The following MBOAT2 variants were observed in gnomAD, a reference collection of about 807,000 sequenced individuals.
MBOAT2 encodes membrane bound glycerophospholipid O-acyltransferase 2.
In MBOAT2, 28 loss-of-function variants were observed where a neutral mutation model predicts 63.4. The observed-to-expected ratio is 0.44, with a 90% CI of 0.33 to 0.61. The LOEUF is 0.61. Among genes scored for constraint, MBOAT2 ranks in the 20% least tolerant of loss-of-function variants. The probability of loss-of-function intolerance (pLI) is 0.03; values close to 1 mark genes in which losing one functional copy is unlikely to be tolerated. For missense variants in MBOAT2, 470 were observed against 605.8 expected, an observed-to-expected ratio of 0.78 and a Z score of 2.35; for synonymous variants, 211 against 215.6, an observed-to-expected ratio of 0.98 and a Z score of 0.19.
chr2:8,982,859 C>T (rs941724518), intron 1 of MBOAT2, among the ~76,000 whole-genome samples: 2 of 152,186 alleles, frequency 1.3e-5, no homozygotes, highest in African/African-American at 4.8e-5. Context: ...CACTCTGATT[C>T]CCAATTTCCT....
At chr2:8,915,531 TTTTTG>T (rs553041530) in intron 3 of MBOAT2, among the ~76,000 whole-genome samples, 1 of 152,142 alleles carries the variant, frequency 6.6e-6, no homozygotes, top group East Asian at 1.9e-4. Context: ...GGTGGGGGTT[TTTTTG>T]TTTTGTTTTG....
rs954355269 is a variant in MBOAT2 at position 8,868,650 on chromosome 2, G to C, written c.884-101C>G. The C allele has an allele frequency of 1.3e-5, 12 of 903,204 alleles. No homozygotes were observed. The African/African-American group carries it at 2.0e-4, about 15-fold the overall frequency. 55.9% of individuals were successfully genotyped at this position (903,204 alleles called of 1,614,324 possible). On this transcript the variant is annotated intron_variant, in intron 8 of 12. Coordinates refer to ENST00000305997, the MANE Select transcript of MBOAT2 (RefSeq NM_138799.4). Reference sequence around the variant, plus strand: ...TTATTATATCTTTTATTCTTAAACAGTAAAAGTAGATTTATTCTGATTTTT... The same window carrying C: ...TTATTATATCTTTTATTCTTAAACACTAAAAGTAGATTTATTCTGATTTTT...
chr2:8,969,349 C>G (rs1670267243), intron 1 of MBOAT2, among the ~76,000 whole-genome samples: 1 of 152,076 alleles, frequency 6.6e-6, no homozygotes, highest in Non-Finnish European at 1.5e-5. Context: ...CCAGGCCTGC[C>G]CTAAAAGAGC....
At chr2:8,887,892 A>G (rs1663676369) in intron 5 of MBOAT2, 126 bp downstream of exon 5, 2 of 854,262 alleles carry the variant, frequency 2.3e-6, no homozygotes, top group Non-Finnish European at 2.0e-6. Flanking sequence ...ACAGTTAAGT[A>G]TATTTCCCTA....
At position 9,003,596 on chromosome 2, in the gene MBOAT2, TG is replaced by T; in HGVS notation, c.18del (p.Thr7ArgfsTer23). The T allele has an allele frequency of 8.3e-7, 1 of 1,211,660 alleles. No homozygotes were observed. The allele number at this position is 1,211,660 out of a possible 1,614,324, so 75.1% of individuals were successfully genotyped here. A position where few individuals can be genotyped will look rare whatever the true frequency, so the allele number is the denominator to read the frequency against. On this transcript the variant is annotated frameshift_variant, in exon 1 of 13. Coordinates refer to ENST00000305997, the MANE Select transcript of MBOAT2 (RefSeq NM_138799.4). LOFTEE classifies it high-confidence loss of function. The surrounding 1 kb of genome is among the most constrained non-coding windows in gnomAD (Gnocchi z 5.4). The stretch of plus-strand genomic sequence containing the variant: ...AGGGGCTGCAGCAGGGTGGAGCCCG[TG>T]GTGCTGGTGGTGGCCATGGCCGGGC... MATTS[T>X]TGSTLLQPLS...
At chr2:8,978,078 C>T (rs1670946957) in intron 1 of MBOAT2, among the ~76,000 whole-genome samples, 1 of 152,100 alleles carries the variant, frequency 6.6e-6, no homozygotes, top group African/African-American at 2.4e-5. Flanking sequence ...TACCCAGACC[C>T]TAAAACATTC....
At chr2:8,926,448 C>T (rs546966745) in intron 3 of MBOAT2, among the ~76,000 whole-genome samples, 1 of 152,314 alleles carries the variant, frequency 6.6e-6, no homozygotes, top group Admixed American at 6.5e-5. Flanking sequence ...AAGGCCTCGC[C>T]ACAGAGGTCA....
At chr2:8,902,542 C>T (rs931913359) in intron 4 of MBOAT2, among the ~76,000 whole-genome samples, 1 of 151,958 alleles carries the variant, frequency 6.6e-6, no homozygotes, top group Non-Finnish European at 1.5e-5. Flanking sequence ...TGCAGACCTT[C>T]GTGGTGACTG....
chr2:8,869,356 T>G (rs555413458), intron 8 of MBOAT2, among the ~76,000 whole-genome samples: 1 of 152,244 alleles, frequency 6.6e-6, no homozygotes, highest in African/African-American at 2.4e-5. Context: ...CCAGAATTTG[T>G]TTTCTAATCC....
chr2:8,990,123 A>T (rs1209194190), intron 1 of MBOAT2, among the ~76,000 whole-genome samples: 3 of 152,198 alleles, frequency 2.0e-5, no homozygotes, highest in Non-Finnish European at 1.5e-5. Flanking sequence ...TGCTCTCTGA[A>T]ATTTGAGGCC....
At position 8,862,439 on chromosome 2, in the gene MBOAT2, C is replaced by G. The variant is rs764291016; in HGVS notation, c.1185+151G>C. ...TAGCCCGTGGTGAGCGCTCAGCAAA[C>G]ATGCACGCAGTACACACCTCGCTTC... On this transcript the variant is annotated intron_variant, in intron 11 of 12. Coordinates refer to ENST00000305997, the MANE Select transcript of MBOAT2 (RefSeq NM_138799.4). This position sits in a 1 kb window ranked among gnomAD's most constrained non-coding sequence, Gnocchi z 4.3. The G allele has an allele frequency of 4.6e-6, 6 of 1,308,364 alleles. No individual in the cohort carries two copies. Among genetic ancestry groups the G allele is most frequent in the Non-Finnish European group, 5.2e-6 (5 of 955,690 alleles). 81.0% of individuals were successfully genotyped at this position (1,308,364 alleles called of 1,614,324 possible). A position where few individuals can be genotyped will look rare whatever the true frequency, so the allele number is the denominator to read the frequency against.
At chr2:8,861,738 A>G (rs1209311466) in intron 11 of MBOAT2, among the ~76,000 whole-genome samples, 1 of 152,194 alleles carries the variant, frequency 6.6e-6, no homozygotes, top group African/African-American at 2.4e-5. Context: ...GACTTCTTCC[A>G]TCTCTAAACA....
At chr2:8,939,691 C>G (rs1440087561) in intron 3 of MBOAT2, among the ~76,000 whole-genome samples, 51 of 152,136 alleles carry the variant, frequency 3.4e-4, no homozygotes, top group Non-Finnish European at 1.5e-5. Flanking sequence ...GGGAGGTCAT[C>G]TGAGGTCAGA....
chr2:9,000,451 C>T (rs1416921328), intron 1 of MBOAT2, among the ~76,000 whole-genome samples: 1 of 152,176 alleles, frequency 6.6e-6, no homozygotes, highest in Non-Finnish European at 1.5e-5. Flanking sequence ...AAAGTCAACT[C>T]TAAGGTGCTT....
In MBOAT2 at chr2:8,915,656, A is replaced by G. The variant is rs1558611201; in HGVS notation, c.300-6940T>C. Among the ~76,000 whole-genome samples, 3 of 152,238 alleles carry G rather than the reference A, an allele frequency of 2.0e-5. No homozygotes were observed. In the South Asian group the frequency reaches 6.2e-4, roughly 31 times the overall value. ...GTTGGGGAAAGCCTTTGATTTTTCA[A>G]GTTCACACATCAGCAGAGAAAGCAG... On this transcript the variant is annotated intron_variant, in intron 3 of 12. Transcript: ENST00000305997.
intron 1 of MBOAT2, among the ~76,000 whole-genome samples, chr2:8,985,257 A>T (rs2103347316): frequency 6.6e-6 from 1 of 152,286 alleles, no homozygotes; most frequent in African/African-American, 2.4e-5. Context: ...TTTTTTCACA[A>T]TGCTTTCAGG....
intron 6 of MBOAT2, among the ~76,000 whole-genome samples, chr2:8,880,541 G>A (rs1473918341): frequency 3.3e-5 from 5 of 152,228 alleles, no homozygotes; most frequent in Non-Finnish European, 7.3e-5. Flanking sequence ...GAGCCGAGGG[G>A]AGTGGATTGG....
rs780925350 is a variant in MBOAT2, at chr2:8,862,544, G to T, written c.1185+46C>A. 1 of 1,583,662 alleles carries T rather than the reference G, an allele frequency of 6.3e-7. No individual in the cohort carries two copies. Among genetic ancestry groups the T allele is most frequent in the Non-Finnish European group, 8.6e-7 (1 of 1,165,124 alleles). ...AGAGATGTACTCAGCCTTTTTAACA[G>T]TTCAAGTGGACCATTGAATTGTAAA... On this transcript the variant is annotated intron_variant, in intron 11 of 12. Coordinates refer to ENST00000305997, the MANE Select transcript of MBOAT2 (RefSeq NM_138799.4). This position sits in a 1 kb window ranked among gnomAD's most constrained non-coding sequence, Gnocchi z 4.3.
chr2:8,937,963 G>A (rs1452712122), intron 3 of MBOAT2, among the ~76,000 whole-genome samples: 5 of 152,098 alleles, frequency 3.3e-5, no homozygotes, highest in East Asian at 1.9e-4. Flanking sequence ...ATGAGCATGC[G>A]ACTGCCACCA....
Sources: allele counts gnomAD v4.1 joint callset (sites outside exome capture counted in the v4.1 genomes callset), GRCh38; gene constraint gnomAD v4.1.1; non-coding constraint Gnocchi (gnomAD v3.1); transcripts MANE v1.5; gene names NCBI Gene and HGNC (gene_info 2026-07-23, HGNC 2026-07-21).